Variants in FAT3 observed in about 807,000 individuals in gnomAD.
FAT3 encodes FAT atypical cadherin 3.
FAT3 carries 95 observed loss-of-function variants against 310.2 expected under a neutral mutation model. That is an observed-to-expected ratio of 0.31 (90% CI 0.26 to 0.36). FAT3 has a LOEUF of 0.36. Among genes scored for constraint, FAT3 ranks in the 10% least tolerant of loss-of-function variants. The pLI, the probability that FAT3 is intolerant of heterozygous loss-of-function variation, is 1.00. For synonymous variants in FAT3, 2,314 were observed against 2,192.9 expected (o/e 1.06, Z -1.54); for missense variants, 5,408 against 5,715.6 (o/e 0.95, Z 1.74).
rs539155862 is a variant in FAT3 at position 92,461,280 on chromosome 11, C to T, written c.3293-63354C>T. ...CATGCTTTTTCTGCTGCCTATCACA[C>T]TCTCCCCTCCTCCCTACCATATCTG... On this transcript the variant is annotated intron_variant, in intron 2 of 27. Coordinates refer to ENST00000525166, the MANE Select transcript of FAT3 (RefSeq NM_001367949.2). Among the ~76,000 whole-genome samples, 3 of 152,192 alleles carry T rather than the reference C, an allele frequency of 2.0e-5. No individual in the cohort carries two copies. The East Asian group carries it at 5.8e-4, about 30-fold the overall frequency.
intron 2 of FAT3, among the ~76,000 whole-genome samples, chr11:92,500,774 G>A (rs1320990721): frequency 6.6e-6 from 1 of 151,952 alleles, no homozygotes; most frequent in African/African-American, 2.4e-5. Flanking sequence ...TTACCTCCAG[G>A]CAATACAGCA....
intron 1 of FAT3, among the ~76,000 whole-genome samples, chr11:92,250,448 C>T (rs1193726597): frequency 6.6e-6 from 1 of 151,876 alleles, no homozygotes; most frequent in Non-Finnish European, 1.5e-5. Flanking sequence ...ATATTAATGC[C>T]CAGCGTCCTC....
intron 3 of FAT3, among the ~76,000 whole-genome samples, chr11:92,652,614 T>C (rs1045415107): frequency 1.1e-4 from 17 of 152,288 alleles, no homozygotes; most frequent in African/African-American, 4.1e-4. Context: ...ACCATCTTCT[T>C]CCCATGGATA....
intron 7 of FAT3, among the ~76,000 whole-genome samples, chr11:92,789,466 G>C (rs959719057): frequency 2.0e-5 from 3 of 152,128 alleles, no homozygotes; most frequent in Non-Finnish European, 4.4e-5. Context: ...CACAGGGCAT[G>C]GACACTGCCA....
intron 1 of FAT3, among the ~76,000 whole-genome samples, chr11:92,326,139 G>A (rs1459177502): frequency 2.0e-5 from 3 of 152,186 alleles, no homozygotes; most frequent in Non-Finnish European, 4.4e-5. Context: ...ATGTGATTCT[G>A]AGCAAGTAGT....
chr11:92,371,720 C>G (rs187618104), intron 2 of FAT3, among the ~76,000 whole-genome samples: 29 of 152,180 alleles, frequency 1.9e-4, no homozygotes, highest in Admixed American at 1.7e-3. Flanking sequence ...CTGTACACCC[C>G]TCCCTGCCCC....
rs191710135 is a variant in FAT3, at chr11:92,665,111, T to G, written c.3608-32273T>G. Among the ~76,000 whole-genome samples the G allele has an allele frequency of 1.4e-3, 213 of 152,300 alleles. 3 individuals carry two copies. The highest frequency in any genetic ancestry group is 4.6e-3 in the African/African-American group (192 of 41,562). On this transcript the variant is annotated intron_variant, in intron 3 of 27. Transcript: ENST00000525166. ...ATTTTTATCCAATTCTGTTCTACAG[T>G]CAAAATCATTTTAATATTGTAAGAT...
At chr11:92,609,549 T>C (rs925369778) in intron 3 of FAT3, among the ~76,000 whole-genome samples, 5 of 152,342 alleles carry the variant, frequency 3.3e-5, no homozygotes, top group African/African-American at 1.2e-4. Flanking sequence ...TCATTGTAGC[T>C]CAGGTATTGT....
chr11:92,816,854 T>A (rs1349906548), intron 13 of FAT3, among the ~76,000 whole-genome samples: 1 of 152,006 alleles, frequency 6.6e-6, no homozygotes, highest in Non-Finnish European at 1.5e-5. Context: ...CGTGCGCCTG[T>A]AATCCCAGCT....
chr11:92,352,632 A>C lies in FAT3; in HGVS notation c.520A>C (p.Arg174=). 2 of 1,613,848 alleles carry C rather than the reference A, an allele frequency of 1.2e-6. No homozygotes were observed. The change falls in exon 2 of 28, where the codon AGG becomes CGG. Residue 174 remains arginine (R), a synonymous_variant. Coordinates refer to ENST00000525166, the MANE Select transcript of FAT3 (RefSeq NM_001367949.2). ...TACCATAGCAGAAAGCACACCTCTA[A>C]GGACTAGTGTTGCCCAGGTGACTGC... ...SVTIAESTPL[R]TSVAQVTATD...
intron 3 of FAT3, among the ~76,000 whole-genome samples, chr11:92,635,489 G>A (rs549824888): frequency 6.6e-6 from 1 of 152,280 alleles, no homozygotes; most frequent in South Asian, 2.1e-4. Context: ...AGGAATCACT[G>A]TCTGATGAGT....
chr11:92,259,120 G>T (rs1591018730), intron 1 of FAT3, among the ~76,000 whole-genome samples: 1 of 152,006 alleles, frequency 6.6e-6, no homozygotes, highest in African/African-American at 2.4e-5. Context: ...TTAAGTGGTT[G>T]TGCCCCTCTG....
At chr11:92,885,508 G>A (rs956219483) in intron 24 of FAT3, among the ~76,000 whole-genome samples, 1 of 152,156 alleles carries the variant, frequency 6.6e-6, no homozygotes, top group Non-Finnish European at 1.5e-5. Flanking sequence ...TTCTATTCTA[G>A]TGCTGCCCCA....
intron 22 of FAT3, among the ~76,000 whole-genome samples, chr11:92,873,938 G>A (rs570242116): frequency 6.6e-5 from 10 of 152,232 alleles, no homozygotes; most frequent in African/African-American, 1.9e-4. Context: ...GTGTAACCTC[G>A]TGAAACCCAT....
At chr11:92,628,634 T>C (rs920349464) in intron 3 of FAT3, among the ~76,000 whole-genome samples, 4 of 152,264 alleles carry the variant, frequency 2.6e-5, no homozygotes, top group African/African-American at 9.6e-5. Context: ...ATGTCTATTA[T>C]CTGTGTTTCC....
chr11:92,878,230 G>C (rs1949578102), intron 22 of FAT3, among the ~76,000 whole-genome samples: 1 of 152,152 alleles, frequency 6.6e-6, no homozygotes, highest in South Asian at 2.1e-4. Flanking sequence ...TTACAGTCTT[G>C]AGGCAGGATT....
At chr11:92,321,586 A>G (rs1947621397) in intron 1 of FAT3, among the ~76,000 whole-genome samples, 1 of 152,182 alleles carries the variant, frequency 6.6e-6, no homozygotes, top group African/African-American at 2.4e-5. Flanking sequence ...TTCCTGAGAA[A>G]AAAAGAAAAA....
intron 1 of FAT3, among the ~76,000 whole-genome samples, chr11:92,300,743 C>A (rs1216078681): frequency 6.6e-6 from 1 of 152,118 alleles, no homozygotes; most frequent in Non-Finnish European, 1.5e-5. Context: ...TCATTCACTG[C>A]TGTATTAGCT....
chr11:92,765,698 A>C (rs913268296), intron 6 of FAT3, among the ~76,000 whole-genome samples: 2 of 151,938 alleles, frequency 1.3e-5, no homozygotes, highest in African/African-American at 4.8e-5. Flanking sequence ...AGTGCAGCCC[A>C]CAGATTTCAT....
Sources: gnomAD v4.1 joint callset for allele counts (sites outside exome capture counted in the v4.1 genomes callset) on GRCh38, gnomAD v4.1.1 for gene constraint, MANE v1.5 for transcripts, NCBI Gene and HGNC (gene_info 2026-07-23, HGNC 2026-07-21) for gene names.